The following PCDH15 variants were observed in gnomAD, a reference collection of about 807,000 sequenced individuals.
PCDH15 encodes protocadherin-15.
A neutral mutation model predicts 178.5 loss-of-function variants in PCDH15; 129 were observed. That is an observed-to-expected ratio of 0.72 (90% confidence interval 0.63 to 0.84). PCDH15 has a LOEUF of 0.84. PCDH15 is among the 40% of genes least tolerant of loss of function. The pLI is 0.00. For synonymous variants in PCDH15, 800 were observed against 732.0 expected (o/e 1.09, Z -1.50); for missense variants, 2,230 against 2,099.9 (o/e 1.06, Z -1.21).
chr10:55,524,664 G>A (rs1294916869), intron 2 of PCDH15, among the ~76,000 whole-genome samples: 1 of 151,166 alleles, frequency 6.6e-6, no homozygotes, highest in Non-Finnish European at 1.5e-5. Context: ...TCTTATTGTA[G>A]GATGAAATAT....
At chr10:54,074,493 A>T (rs1229679639) in intron 17 of PCDH15, among the ~76,000 whole-genome samples, 3 of 152,158 alleles carry the variant, frequency 2.0e-5, no homozygotes, top group Non-Finnish European at 2.9e-5. Context: ...TGTTCTCAAG[A>T]TTTATCTGTG....
intron 3 of PCDH15, among the ~76,000 whole-genome samples, chr10:54,842,948 G>A (rs554541873): frequency 3.3e-5 from 5 of 151,856 alleles, no homozygotes; most frequent in African/African-American, 7.2e-5. Context: ...AAGTGTCATC[G>A]TATGTTAATG....
chr10:54,776,663 CAAAT>C (rs1949742371), intron 1 of PCDH15, among the ~76,000 whole-genome samples: 1 of 152,050 alleles, frequency 6.6e-6, no homozygotes, highest in African/African-American at 2.4e-5. Flanking sequence ...ACAGAAAATG[CAAAT>C]AAATAAATTA....
At chr10:54,168,729 A>G (rs11818206) in intron 13 of PCDH15, among the ~76,000 whole-genome samples, 11,862 of 151,492 alleles carry the variant, frequency 0.078, 996 homozygotes, top group African/African-American at 0.22. Context: ...ACCCTGAGAC[A>G]CTTTACAGCC....
intron 15 of PCDH15, among the ~76,000 whole-genome samples, chr10:54,130,186 G>A (rs2042312336): frequency 6.6e-6 from 1 of 152,130 alleles, no homozygotes; most frequent in Non-Finnish European, 1.5e-5. Flanking sequence ...AATACTCGAG[G>A]AAATTAGCTC....
At position 55,462,362 on chromosome 10, in the gene PCDH15, C is replaced by G. The variant is rs187988884; in HGVS notation, c.-156+165263G>C. Among the ~76,000 whole-genome samples, 494 of 152,220 alleles carry G rather than the reference C, an allele frequency of 3.2e-3. 4 individuals are homozygous for G. The highest frequency in any genetic ancestry group is 0.011 in the African/African-American group (469 of 41,556). On this transcript the variant is annotated intron_variant, in intron 2 of 5. Coordinates refer to the PCDH15 transcript ENST00000613346. ...GATTTTTCTCATAGTACATTATACA[C>G]ATACAATGCACAAATAAAACTTTCA...
At chr10:54,748,411 T>C (rs546514492) in intron 1 of PCDH15, among the ~76,000 whole-genome samples, 3 of 152,294 alleles carry the variant, frequency 2.0e-5, no homozygotes, top group African/African-American at 7.2e-5. Context: ...TTAATTCACA[T>C]TTGTCTCTCC....
intron 11 of PCDH15, among the ~76,000 whole-genome samples, chr10:54,186,322 A>G (rs2048470838): frequency 6.6e-6 from 1 of 152,008 alleles, no homozygotes; most frequent in African/African-American, 2.4e-5. Context: ...AAGAGCAAAG[A>G]ATAGAAAATT....
At chr10:54,783,070 G>A (rs886111707) in intron 1 of PCDH15, among the ~76,000 whole-genome samples, 3 of 151,994 alleles carry the variant, frequency 2.0e-5, no homozygotes, top group African/African-American at 4.8e-5. Flanking sequence ...TACAAAACAG[G>A]TAAATGCAAG....
chr10:55,202,505 C>A (rs148264222), intron 1 of PCDH15, among the ~76,000 whole-genome samples: 1 of 152,060 alleles, frequency 6.6e-6, no homozygotes, highest in African/African-American at 2.4e-5. Context: ...GATGCTGGAG[C>A]GGAACACTGC....
intron 2 of PCDH15, among the ~76,000 whole-genome samples, chr10:55,527,953 A>AT (rs1403693710): frequency 6.6e-6 from 1 of 152,048 alleles, no homozygotes; most frequent in Non-Finnish European, 1.5e-5. Context: ...AGTTAATAAC[A>AT]TTTTTTGTGG....
At chr10:54,518,294 A>T (rs946717028) in intron 3 of PCDH15, among the ~76,000 whole-genome samples, 2 of 152,198 alleles carry the variant, frequency 1.3e-5, no homozygotes, top group Non-Finnish European at 2.9e-5. Flanking sequence ...GAAAAGATCA[A>T]CAAAATTGAT....
chr10:54,134,640 C>T (rs2042738053), intron 14 of PCDH15, among the ~76,000 whole-genome samples: 1 of 151,254 alleles, frequency 6.6e-6, no homozygotes. Context: ...GGGGTCCCAG[C>T]TACTTGGGAG....
chr10:55,249,034 TA>T (rs1283821359), intron 1 of PCDH15, among the ~76,000 whole-genome samples: 1 of 152,146 alleles, frequency 6.6e-6, no homozygotes, highest in African/African-American at 2.4e-5. Context: ...TACCTTGTGA[TA>T]AAAAAGTTGT....
chr10:54,862,457 A>T (rs1953859669), intron 3 of PCDH15, among the ~76,000 whole-genome samples: 2 of 152,184 alleles, frequency 1.3e-5, no homozygotes, highest in African/African-American at 2.4e-5. Context: ...AGGTGTGAAT[A>T]GTTTTTATGC....
intron 1 of PCDH15, among the ~76,000 whole-genome samples, chr10:55,265,787 A>T (rs531831383): frequency 1.3e-5 from 2 of 152,260 alleles, no homozygotes; most frequent in South Asian, 4.1e-4. Flanking sequence ...GTCAAGAAAC[A>T]GCTAATCCTA....
chr10:55,159,320 C>T lies in PCDH15; in HGVS notation c.-80+7256G>A, dbSNP rs189076005. Among the ~76,000 whole-genome samples the T allele has an allele frequency of 2.2e-3, 321 of 146,878 alleles. 3 individuals carry two copies. The highest frequency in any genetic ancestry group is 7.5e-3 in the African/African-American group (298 of 39,764). On this transcript the variant is annotated intron_variant, in intron 2 of 5. Transcript: ENST00000458638. ...GTTATATATATATCTCTTCAAATTT[C>T]CTTTAGGAGGTAAGATTACCATATC... is the stretch of plus-strand genomic sequence containing the variant.
chr10:54,183,047 T>G (rs1054004207), intron 13 of PCDH15, among the ~76,000 whole-genome samples: 3 of 152,124 alleles, frequency 2.0e-5, no homozygotes, highest in Non-Finnish European at 4.4e-5. Flanking sequence ...GATGGCATGA[T>G]CTCAGCTCAC....
At chr10:54,587,233 T>G (rs1471257011) in intron 2 of PCDH15, among the ~76,000 whole-genome samples, 1 of 152,232 alleles carries the variant, frequency 6.6e-6, no homozygotes, top group Non-Finnish European at 1.5e-5. Context: ...TGTGCAGTTA[T>G]GTTGTCTCTG....
Sources: allele counts gnomAD v4.1 joint callset (sites outside exome capture counted in the v4.1 genomes callset), GRCh38; gene constraint gnomAD v4.1.1; transcripts MANE v1.5; gene names NCBI Gene and HGNC (gene_info 2026-07-23, HGNC 2026-07-21).